The following GRAMD1C variants were observed in gnomAD, a reference collection of about 807,000 sequenced individuals.
GRAMD1C encodes the protein GRAM domain containing 1C.
GRAMD1C carries 89 observed loss-of-function variants against 97.8 expected under a neutral mutation model. That is an observed-to-expected ratio of 0.91 (90% confidence interval 0.77 to 1.09). GRAMD1C has a LOEUF of 1.09. Ranked by LOEUF, GRAMD1C falls within the 50% of genes least tolerant of loss-of-function variation. GRAMD1C has a pLI of 0.00. For synonymous variants in GRAMD1C, 256 were observed against 267.0 expected, an observed-to-expected ratio of 0.96 and a Z score of 0.40; for missense variants, 740 against 766.4, an observed-to-expected ratio of 0.97 and a Z score of 0.41.
intron 15 of GRAMD1C, chr3:113,939,482 T>C (rs142728674): frequency 2.6e-5 from 4 of 153,558 alleles, no homozygotes; most frequent in African/African-American, 7.2e-5. Flanking sequence ...TTTCCTTTTC[T>C]GAAAGGCAGC....
rs1933861116 is a variant in GRAMD1C, at chr3:113,850,758, AGG to A, written c.174+6110_174+6111del. The A allele has an allele frequency of 2.5e-6, 3 of 1,205,284 alleles. No homozygotes were observed. In the Admixed American group the frequency reaches 6.7e-5, roughly 27 times the overall value. 74.7% of individuals were successfully genotyped at this position (1,205,284 alleles called of 1,614,324 possible). A position where few individuals can be genotyped will look rare whatever the true frequency, so the allele number is the denominator to read the frequency against. The stretch of plus-strand genomic sequence containing the variant: ...TCCGCTGCTGTAGGGTCCGGGGCTG[AGG>A]CTGGAAAGGATATACTTAATTTTTT... On this transcript the variant is annotated intron_variant, in intron 2 of 17. Transcript: ENST00000358160.
At chr3:113,892,659 C>G (rs941747989) in intron 6 of GRAMD1C, among the ~76,000 whole-genome samples, 2 of 152,164 alleles carry the variant, frequency 1.3e-5, no homozygotes, top group Non-Finnish European at 2.9e-5. Context: ...AGTTCACAGT[C>G]TGTGAGTTTA....
At chr3:113,938,197 T>A in intron 15 of GRAMD1C, 54 bp downstream of exon 15, 1 of 837,306 alleles carries the variant, frequency 1.2e-6, no homozygotes, top group Non-Finnish European at 1.9e-6. Context: ...TATCTTTAAC[T>A]AGTTTCCAAA....
At position 113,930,718 on chromosome 3, in the gene GRAMD1C, A is replaced by C; in HGVS notation, c.1095A>C (p.Val365=). The C allele has an allele frequency of 6.5e-7, 1 of 1,527,418 alleles. No homozygotes were observed. Among genetic ancestry groups the C allele is most frequent in the South Asian group, 1.1e-5 (1 of 89,252 alleles). 94.6% of individuals were successfully genotyped at this position (1,527,418 alleles called of 1,614,324 possible). A position where few individuals can be genotyped will look rare whatever the true frequency, so the allele number is the denominator to read the frequency against. Residue 365 remains valine (V), a synonymous_variant, in exon 11 of 18, where the codon GTA becomes GTC. Coordinates refer to ENST00000358160, the MANE Select transcript of GRAMD1C (RefSeq NM_017577.5). ...TTTTGTGTTTGTTGTTGTTAGATGT[A>C]GTATCTACCCCTTGGACTGCAGAAC... The part of the protein sequence containing the change: ...KFASSRNIID[V]VSTPWTAELG...
chr3:113,858,021 C>T (rs1379952609), intron 2 of GRAMD1C, among the ~76,000 whole-genome samples: 5 of 152,012 alleles, frequency 3.3e-5, no homozygotes, highest in Admixed American at 6.6e-5. Context: ...CAATGAATTG[C>T]GAAGTGCTCC....
intron 2 of GRAMD1C, among the ~76,000 whole-genome samples, chr3:113,845,704 C>T (rs1343213102): frequency 1.3e-5 from 2 of 151,364 alleles, no homozygotes; most frequent in East Asian, 1.9e-4. Flanking sequence ...GACCCTGTCT[C>T]AAAAAAATAA....
chr3:113,902,020 T>C (rs186007171), intron 7 of GRAMD1C, among the ~76,000 whole-genome samples: 2 of 152,036 alleles, frequency 1.3e-5, no homozygotes, highest in African/African-American at 4.8e-5. Context: ...GTTGGGGTGA[T>C]GACAATGTTC....
At chr3:113,926,888 G>A (rs552565356) in intron 10 of GRAMD1C, among the ~76,000 whole-genome samples, 1 of 152,128 alleles carries the variant, frequency 6.6e-6, no homozygotes, top group Admixed American at 6.5e-5. Context: ...GAAATATGTT[G>A]CACTGGAGGG....
intron 2 of GRAMD1C, among the ~76,000 whole-genome samples, chr3:113,858,292 G>C (rs545961421): frequency 6.6e-6 from 1 of 151,710 alleles, no homozygotes; most frequent in African/African-American, 2.4e-5. Flanking sequence ...GGGTGCAGTG[G>C]TGCGATCTCA....
intron 6 of GRAMD1C, chr3:113,890,698 T>C (rs1935689301): frequency 2.9e-6 from 2 of 691,884 alleles, no homozygotes; most frequent in Non-Finnish European, 5.3e-6. Context: ...TCGCAGACTA[T>C]GCTTGGTTAT....
intron 2 of GRAMD1C, among the ~76,000 whole-genome samples, chr3:113,862,635 A>G (rs1382508591): frequency 6.6e-6 from 1 of 152,224 alleles, no homozygotes; most frequent in Non-Finnish European, 1.5e-5. Context: ...GCTTACAAAG[A>G]TGATGGGATT....
chr3:113,877,782 G>GTT (rs200353145), intron 5 of GRAMD1C, among the ~76,000 whole-genome samples: 3 of 144,172 alleles, frequency 2.1e-5, no homozygotes. Context: ...TTGGGGAAAG[G>GTT]TTTTTTTTTT....
At chr3:113,890,799 G>A (rs909956881) in intron 6 of GRAMD1C, 4 of 692,688 alleles carry the variant, frequency 5.8e-6, no homozygotes, top group Admixed American at 2.0e-5. Flanking sequence ...AATATCTCCA[G>A]GGAAGTGATA....
chr3:113,841,921 C>T (rs1044010429), intron 1 of GRAMD1C, among the ~76,000 whole-genome samples: 1 of 152,190 alleles, frequency 6.6e-6, no homozygotes, highest in African/African-American at 2.4e-5. Flanking sequence ...GTTCTCCATA[C>T]TCTTGGCCTG....
intron 6 of GRAMD1C, among the ~76,000 whole-genome samples, chr3:113,892,674 C>T (rs1285256322): frequency 6.6e-6 from 1 of 152,100 alleles, no homozygotes; most frequent in Non-Finnish European, 1.5e-5. Context: ...AGTTTAGCTC[C>T]CATTCTCTAG....
chr3:113,832,869 T>C (rs1389535034), intron 1 of GRAMD1C, among the ~76,000 whole-genome samples: 2 of 152,306 alleles, frequency 1.3e-5, no homozygotes, highest in South Asian at 2.1e-4. Flanking sequence ...AGGCAGTTTA[T>C]ATCTCTGCCT....
intron 6 of GRAMD1C, among the ~76,000 whole-genome samples, chr3:113,887,196 T>G (rs1489086650): frequency 1.3e-5 from 2 of 149,914 alleles, no homozygotes; most frequent in African/African-American, 4.9e-5. Context: ...GTGCAAGCGA[T>G]TCTCCTGCCT....
At chr3:113,916,244 C>T (rs1237524838) in intron 10 of GRAMD1C, among the ~76,000 whole-genome samples, 2 of 152,142 alleles carry the variant, frequency 1.3e-5, no homozygotes, top group Admixed American at 6.5e-5. Context: ...AGCAGTTCCA[C>T]TCCTAGGTAT....
intron 17 of GRAMD1C, among the ~76,000 whole-genome samples, chr3:113,943,316 C>A (rs1399585349): frequency 1.3e-5 from 2 of 152,164 alleles, no homozygotes; most frequent in Non-Finnish European, 2.9e-5. Flanking sequence ...TTCTTTAAAA[C>A]CATAAAAAAA....
Sources: allele counts gnomAD v4.1 joint callset (sites outside exome capture counted in the v4.1 genomes callset), GRCh38; gene constraint gnomAD v4.1.1; transcripts MANE v1.5; gene names NCBI Gene and HGNC (gene_info 2026-07-23, HGNC 2026-07-21).